The following RP1L1 variants were observed in gnomAD, a reference collection of about 807,000 sequenced individuals.
The protein encoded by RP1L1 is RP1 like 1.
RP1L1 carries 27 observed loss-of-function variants against 15.7 expected under a neutral mutation model. The ratio of observed to expected loss-of-function variants is 1.72; its 90% CI spans 1.27 to 2.38. The LOEUF (loss-of-function observed/expected upper bound fraction) is 2.38, where lower values mean the gene tolerates loss of function less well. RP1L1 is among the 30% of genes most tolerant of loss of function. RP1L1 has a pLI of 0.00. For synonymous variants in RP1L1, 1,813 were observed against 1,276.7 expected, an observed-to-expected ratio of 1.42 and a Z score of -8.96; for missense variants, 4,798 against 3,075.9, an observed-to-expected ratio of 1.56 and a Z score of -13.24.
intron 2 of RP1L1, among the ~76,000 whole-genome samples, chr8:10,620,411 G>A (rs964010646): frequency 6.6e-6 from 1 of 152,120 alleles, no homozygotes. Context: ...TTCGAGACCA[G>A]CCTGGCCAAC....
rs943989484 is a variant in RP1L1, at chr8:10,609,094, G to A, written c.5004C>T (p.Ser1668=). Residue 1668 remains serine, a synonymous_variant, in exon 4 of 4, where the codon AGC becomes AGT. Transcript: ENST00000382483. ...PCEACVRKKV[S]PMSPKATMGA... is the part of the protein sequence containing the mutation. ...CCATTGTGGCCTTGGGGGACATAGG[G>A]CTCACTTTCTTCCTCACGCAGGCCT... 9 of 1,613,498 alleles carry A rather than the reference G, an allele frequency of 5.6e-6. No individual in the cohort carries two copies. The highest frequency in any genetic ancestry group is 7.6e-6 in the Non-Finnish European group (9 of 1,179,644).
intron 3 of RP1L1, among the ~76,000 whole-genome samples, chr8:10,614,864 T>A (rs911613071): frequency 2.0e-5 from 3 of 152,140 alleles, no homozygotes; most frequent in African/African-American, 4.8e-5. Context: ...ACATGGCACA[T>A]GTATACATAT....
At chr8:10,646,535 C>G (rs1224337529) in intron 1 of RP1L1, among the ~76,000 whole-genome samples, 2 of 152,142 alleles carry the variant, frequency 1.3e-5, no homozygotes, top group African/African-American at 4.8e-5. Context: ...CCAGGGAATT[C>G]CAGGTCCCCA....
In RP1L1 at chr8:10,608,502, C is replaced by T; in HGVS notation, c.5596G>A (p.Glu1866Lys). 1 of 1,311,294 alleles carries T rather than the reference C, an allele frequency of 7.6e-7. No homozygotes were observed. Among genetic ancestry groups the T allele is most frequent in the Non-Finnish European group, 1.1e-6 (1 of 927,446 alleles). 81.2% of individuals were successfully genotyped at this position (1,311,294 alleles called of 1,614,324 possible). ...AEGDAQEAEGEAQPESEDVEA... is the reference protein window; with the variant it reads ...AEGDAQEAEGKAQPESEDVEA... Reference sequence around the variant, plus strand: ...ACATCTTCTGACTCTGGCTGGGCCTCCCCTTCAGCCTCCTGGGCATCCCCT... The same window carrying T: ...ACATCTTCTGACTCTGGCTGGGCCTTCCCTTCAGCCTCCTGGGCATCCCCT... The change falls in exon 4 of 4, where the codon GAG (glutamate) becomes AAG (lysine). Residue 1866 changes from glutamate to lysine, a missense_variant. Physicochemically the swap from Glu to Lys is moderately conservative, Grantham distance 56. Transcript: ENST00000382483.
intron 1 of RP1L1, among the ~76,000 whole-genome samples, chr8:10,639,055 G>A (rs1012887107): frequency 4.6e-5 from 7 of 151,900 alleles, no homozygotes; most frequent in African/African-American, 1.7e-4. Context: ...TGAGGCAGGG[G>A]AATCACTTGA....
At position 10,609,588 on chromosome 8, in the gene RP1L1, A is replaced by G. The variant is rs1797788288; in HGVS notation, c.4510T>C (p.Ser1504Pro). ...AGAGCCGCGCTGCAGGCCACCGAAG[A>G]GCTCCTCTCTGCAGCCCCCTGGGTG... is the stretch of plus-strand genomic sequence containing the variant. Reference protein sequence around the residue: ...QPTQGAAERSSSVACSAALDC... With the variant: ...QPTQGAAERSPSVACSAALDC... The change falls in exon 4 of 4, where the codon TCT becomes CCT. Residue 1504 changes from serine to proline, a missense_variant. By Grantham distance (74) the Ser-to-Pro change is moderately conservative (BLOSUM62 -1). Coordinates refer to ENST00000382483, the MANE Select transcript of RP1L1 (RefSeq NM_178857.6). 1 of 1,604,632 alleles carries G rather than the reference A, an allele frequency of 6.2e-7. No individual in the cohort carries two copies. Among genetic ancestry groups the G allele is most frequent in the Non-Finnish European group, 8.5e-7 (1 of 1,178,124 alleles).
chr8:10,630,148 T>A (rs900154371), intron 1 of RP1L1, among the ~76,000 whole-genome samples: 1 of 152,214 alleles, frequency 6.6e-6, no homozygotes, highest in South Asian at 2.1e-4. Context: ...TCTATCTCTA[T>A]ACCTAGATGG....
chr8:10,637,242 C>T (rs1335053946), intron 1 of RP1L1, among the ~76,000 whole-genome samples: 1 of 152,214 alleles, frequency 6.6e-6, no homozygotes, highest in Non-Finnish European at 1.5e-5. Context: ...TCCCCAACCT[C>T]CCAGGCTTGG....
chr8:10,611,089 C>G lies in RP1L1; in HGVS notation c.3009G>C (p.Leu1003=), dbSNP rs779490751. The G allele has an allele frequency of 1.7e-5, 27 of 1,612,780 alleles. No individual in the cohort carries two copies. Among genetic ancestry groups the G allele is most frequent in the Non-Finnish European group, 2.2e-5 (26 of 1,180,020 alleles). The change falls in exon 4 of 4, where the codon CTG becomes CTC. Residue 1003 remains leucine (L), a synonymous_variant. Transcript: ENST00000382483. The stretch of plus-strand genomic sequence containing the variant: ...GCTGTCCCGCCTGAGCTGGCTCCCC[C>G]AGGCCTTCCAGAGAATGGTCATCCC... The part of the protein sequence containing the change: ...DPGDDHSLEG[L]GEPAQAGQQS...
intron 2 of RP1L1, among the ~76,000 whole-genome samples, chr8:10,620,925 G>A (rs1359770512): frequency 1.3e-5 from 2 of 152,212 alleles, no homozygotes; most frequent in Non-Finnish European, 2.9e-5. Context: ...ACTCTGCTGA[G>A]TACATAAGCA....
Position 10,609,080 on chromosome 8 carries a change from T to C in RP1L1, c.5018A>G (p.Lys1673Arg), listed in dbSNP as rs769088658. Reference sequence around the variant, plus strand: ...ACCTCTGGTTGCCCCCATTGTGGCCTTGGGGGACATAGGGCTCACTTTCTT... The same window carrying C: ...ACCTCTGGTTGCCCCCATTGTGGCCCTGGGGGACATAGGGCTCACTTTCTT... ...VRKKVSPMSP[K>R]ATMGATRGPI... Residue 1673 changes from lysine (K) to arginine (R), a missense_variant, in exon 4 of 4, where the codon AAG becomes AGG. Lys to Arg is a conservative substitution (Grantham distance 26, BLOSUM62 2). Transcript: ENST00000382483. 37 of 1,613,658 alleles carry C rather than the reference T, an allele frequency of 2.3e-5. No homozygotes were observed. The highest frequency in any genetic ancestry group is 2.9e-5 in the Non-Finnish European group (34 of 1,179,740).
intron 3 of RP1L1, among the ~76,000 whole-genome samples, chr8:10,615,678 G>A (rs1383460599): frequency 2.0e-5 from 3 of 151,938 alleles, no homozygotes; most frequent in African/African-American, 7.3e-5. Flanking sequence ...ACGGGTATGC[G>A]CCACCATGCC....
At position 10,640,552 on chromosome 8, in the gene RP1L1, C is replaced by G. The variant is rs745695886; in HGVS notation, c.-20+14346G>C. 7.6e-4 allele frequency among the ~76,000 whole-genome samples: 116 copies of G among 151,832 alleles called. 2 individuals carry two copies. Among genetic ancestry groups the G allele is most frequent in the Non-Finnish European group, 3.5e-4 (24 of 67,994 alleles). On this transcript the variant is annotated intron_variant, in intron 1 of 3. Transcript: ENST00000382483. Reference sequence around the variant, plus strand: ...CCTGTAATCTCAGTTGCTCAGGAGGCTGAAGCAGGAGAATCACTTGAACCC... The same window carrying G: ...CCTGTAATCTCAGTTGCTCAGGAGGGTGAAGCAGGAGAATCACTTGAACCC...
chr8:10,647,635 C>T (rs976262252), intron 1 of RP1L1, among the ~76,000 whole-genome samples: 2 of 152,174 alleles, frequency 1.3e-5, no homozygotes, highest in Non-Finnish European at 2.9e-5. Flanking sequence ...ATCATGTCTC[C>T]AACATTTCAA....
Position 10,610,943 on chromosome 8 carries a change from G to A in RP1L1, c.3155C>T (p.Ser1052Phe). ...TGCTCCGGCCTCTGCAGGGGCCTCG[G>A]AAACTCCCTCTGGAGCTGCCCCTTG... is the stretch of plus-strand genomic sequence containing the variant. The part of the protein sequence containing the change: ...VPQGAAPEGV[S>F]EAPAEAGADR... The change falls in exon 4 of 4, where the codon TCC (serine) becomes TTC (phenylalanine). Residue 1052 changes from serine to phenylalanine, a missense_variant. Ser to Phe is a radical substitution (Grantham distance 155, BLOSUM62 -2). Transcript: ENST00000382483. 1 of 1,611,828 alleles carries A rather than the reference G, an allele frequency of 6.2e-7. No homozygotes were observed. Among genetic ancestry groups the A allele is most frequent in the Non-Finnish European group, 8.5e-7 (1 of 1,179,654 alleles).
At chr8:10,652,792 T>G (rs772435089) in intron 1 of RP1L1, among the ~76,000 whole-genome samples, 2 of 152,206 alleles carry the variant, frequency 1.3e-5, no homozygotes, top group South Asian at 4.1e-4. Flanking sequence ...CCTCCCGTCC[T>G]CTGTGCGTAC....
At chr8:10,615,819 G>C (rs1797955851) in intron 3 of RP1L1, among the ~76,000 whole-genome samples, 1 of 152,110 alleles carries the variant, frequency 6.6e-6, no homozygotes, top group Non-Finnish European at 1.5e-5. Flanking sequence ...TAGGAATAAA[G>C]GTGTGAGCCT....
In RP1L1 at chr8:10,609,189, G is replaced by A. The variant is rs756976910; in HGVS notation, c.4909C>T (p.Pro1637Ser). The A allele has an allele frequency of 3.1e-6, 5 of 1,611,506 alleles. No individual in the cohort carries two copies. In the Admixed American group the frequency reaches 8.3e-5, roughly 27 times the overall value. ...CTCCCCAGGGCTGTGCTGAGGGCTGGCTCGTCCTCCAGGGTGAAGGAGAGG... is the reference window on the plus strand; with the variant it reads ...CTCCCCAGGGCTGTGCTGAGGGCTGACTCGTCCTCCAGGGTGAAGGAGAGG... ...GPLSFTLEDE[P>S]ALSTALGSQL... Residue 1637 changes from proline (P) to serine (S), a missense_variant, in exon 4 of 4, where the codon CCA (proline) becomes TCA (serine). Coordinates refer to ENST00000382483, the MANE Select transcript of RP1L1 (RefSeq NM_178857.6).
At chr8:10,644,131 A>G (rs1798443422) in intron 1 of RP1L1, among the ~76,000 whole-genome samples, 1 of 151,992 alleles carries the variant, frequency 6.6e-6, no homozygotes, top group Non-Finnish European at 1.5e-5. Flanking sequence ...GCCCCCTGCC[A>G]TCTTAAGCAA....
Sources: gnomAD v4.1 joint callset for allele counts (sites outside exome capture counted in the v4.1 genomes callset) on GRCh38, gnomAD v4.1.1 for gene constraint, MANE v1.5 for transcripts, NCBI Gene and HGNC (gene_info 2026-07-23, HGNC 2026-07-21) for gene names.